RPTOR: variants seen among roughly 807,000 people sequenced by gnomAD.
RPTOR encodes regulatory-associated protein of mTOR.
Under a neutral mutation model 169.9 loss-of-function variants are expected in RPTOR, and 21 were observed. That is an observed-to-expected ratio of 0.12 (90% confidence interval 0.09 to 0.18). The LOEUF is 0.18. RPTOR is among the 10% of genes least tolerant of loss of function. The pLI is 1.00. For missense variants in RPTOR, 1,133 were observed against 1,855.9 expected, an observed-to-expected ratio of 0.61 and a Z score of 7.16; for synonymous variants, 732 against 753.2, an observed-to-expected ratio of 0.97 and a Z score of 0.46.
chr17:80,780,776 C>G (rs376884957), intron 6 of RPTOR, among the ~76,000 whole-genome samples: 1 of 152,298 alleles, frequency 6.6e-6, no homozygotes, highest in African/African-American at 2.4e-5. Flanking sequence ...TCACCCTCCC[C>G]CCGGGGGGCC....
intron 1 of RPTOR, among the ~76,000 whole-genome samples, chr17:80,556,327 C>T (rs1022459860): frequency 2.0e-5 from 3 of 152,130 alleles, no homozygotes; most frequent in African/African-American, 7.2e-5. Flanking sequence ...ACCTAAGCAA[C>T]AAAGTGAGGC....
intron 13 of RPTOR, among the ~76,000 whole-genome samples, chr17:80,872,178 C>T (rs1410501402): frequency 6.6e-6 from 1 of 152,220 alleles, no homozygotes; most frequent in Non-Finnish European, 1.5e-5. Context: ...TGAGGGGACA[C>T]ATTTGTGAAG....
rs560580295 is a variant in RPTOR at position 80,964,713 on chromosome 17, G to A, written c.*383G>A. On this transcript the variant is annotated 3_prime_UTR_variant, in exon 34 of 34. Transcript: ENST00000306801. Reference sequence around the variant, plus strand: ...AAAAACCCCCCGACAGAGCCCTGGCGGAGAGGCAGGCGCTGGGGCTCCTAC... The same window carrying A: ...AAAAACCCCCCGACAGAGCCCTGGCAGAGAGGCAGGCGCTGGGGCTCCTAC... The A allele has an allele frequency of 3.2e-4, 94 of 291,348 alleles. No homozygotes were observed. Among genetic ancestry groups the A allele is most frequent in the African/African-American group, 9.3e-4 (44 of 47,506 alleles). 18.0% of individuals were successfully genotyped at this position (291,348 alleles called of 1,614,324 possible). A position where few individuals can be genotyped will look rare whatever the true frequency, so the allele number is the denominator to read the frequency against.
At position 80,925,609 on chromosome 17, in the gene RPTOR, C is replaced by T. The variant is rs2068802703; in HGVS notation, c.2919+129C>T. 10 of 718,248 alleles carry T rather than the reference C, an allele frequency of 1.4e-5. No homozygotes were observed. In the East Asian group the frequency reaches 1.9e-4, roughly 14 times the overall value. 44.5% of individuals were successfully genotyped at this position (718,248 alleles called of 1,614,324 possible). Reference sequence around the variant, plus strand: ...ATTGTGGTCGTGGTAGTGATGGTCACGGTTGAGGTAGAACCGCAGAAGAAA... The same window carrying T: ...ATTGTGGTCGTGGTAGTGATGGTCATGGTTGAGGTAGAACCGCAGAAGAAA... On this transcript the variant is annotated intron_variant, in intron 24 of 33. Coordinates refer to ENST00000306801, the MANE Select transcript of RPTOR (RefSeq NM_020761.3).
chr17:80,921,826 C>A (rs966763877), intron 21 of RPTOR, among the ~76,000 whole-genome samples: 1 of 152,184 alleles, frequency 6.6e-6, no homozygotes, highest in Non-Finnish European at 1.5e-5. Flanking sequence ...CCATCCCCTT[C>A]CCCTGCCAGT....
chr17:80,877,903 C>T (rs1167971283), intron 13 of RPTOR, among the ~76,000 whole-genome samples: 2 of 152,192 alleles, frequency 1.3e-5, no homozygotes, highest in African/African-American at 4.8e-5. Context: ...TAACCCGCCT[C>T]ATCAGTGTAT....
intron 14 of RPTOR, among the ~76,000 whole-genome samples, chr17:80,882,856 C>T (rs1315406155): frequency 1.3e-5 from 2 of 152,322 alleles, no homozygotes; most frequent in East Asian, 1.9e-4. Flanking sequence ...CCAAGAGGCG[C>T]GTAGGACACT....
intron 1 of RPTOR, among the ~76,000 whole-genome samples, chr17:80,561,952 C>A (rs905735296): frequency 6.6e-6 from 1 of 152,002 alleles, no homozygotes; most frequent in African/African-American, 2.4e-5. Flanking sequence ...GTGTTTATGT[C>A]TGTATGTATG....
At chr17:80,702,161 C>T (rs2066106364) in intron 3 of RPTOR, among the ~76,000 whole-genome samples, 1 of 152,148 alleles carries the variant, frequency 6.6e-6, no homozygotes, top group South Asian at 2.1e-4. Context: ...AGGACAAGAG[C>T]CCGTCACTGA....
chr17:80,852,835 C>A (rs970080640), intron 11 of RPTOR, among the ~76,000 whole-genome samples: 1 of 152,112 alleles, frequency 6.6e-6, no homozygotes, highest in African/African-American at 2.4e-5. Flanking sequence ...TGCTGGCCGA[C>A]CCCCAGGAGC....
chr17:80,806,066 C>T (rs2067215611), intron 7 of RPTOR, among the ~76,000 whole-genome samples: 1 of 152,116 alleles, frequency 6.6e-6, no homozygotes, highest in Non-Finnish European at 1.5e-5. Context: ...GATTTAGAAA[C>T]CGAGCAGAGA....
At position 80,906,737 on chromosome 17, in the gene RPTOR, G is replaced by A. The variant is rs192103686; in HGVS notation, c.2402-2074G>A. On this transcript the variant is annotated intron_variant, in intron 20 of 33. Coordinates refer to ENST00000306801, the MANE Select transcript of RPTOR (RefSeq NM_020761.3). ...AGCACAGGCAGCACAGCAGCAGAGC[G>A]TGACCTCCTAGATGGCAGCGTGACC... Among the ~76,000 whole-genome samples, 140 of 151,860 alleles carry A rather than the reference G, an allele frequency of 9.2e-4. 1 individual carries two copies. The highest frequency in any genetic ancestry group is 3.2e-3 in the African/African-American group (134 of 41,466).
chr17:80,900,577 A>G (rs573432989), intron 20 of RPTOR, among the ~76,000 whole-genome samples: 1 of 152,258 alleles, frequency 6.6e-6, no homozygotes, highest in Admixed American at 6.5e-5. Context: ...CAGCCTCCCA[A>G]AGTGCTGGGA....
At chr17:80,673,907 C>G (rs1328257249) in intron 3 of RPTOR, among the ~76,000 whole-genome samples, 1 of 152,196 alleles carries the variant, frequency 6.6e-6, no homozygotes, top group Non-Finnish European at 1.5e-5. Flanking sequence ...AATTGTCAGT[C>G]CTCTTCACTT....
At chr17:80,556,458 A>G (rs1236089022) in intron 1 of RPTOR, among the ~76,000 whole-genome samples, 1 of 152,074 alleles carries the variant, frequency 6.6e-6, no homozygotes, top group South Asian at 2.1e-4. Flanking sequence ...CTGCAGTAGT[A>G]AGCTATGATT....
chr17:80,788,735 G>T (rs563657039), intron 6 of RPTOR, among the ~76,000 whole-genome samples: 1 of 152,236 alleles, frequency 6.6e-6, no homozygotes, highest in South Asian at 2.1e-4. Flanking sequence ...AAAAAAATCA[G>T]TATAAAAGAC....
chr17:80,944,906 G>T (rs553482052), intron 25 of RPTOR, among the ~76,000 whole-genome samples: 2 of 150,920 alleles, frequency 1.3e-5, no homozygotes, highest in African/African-American at 4.9e-5. Flanking sequence ...CAGGAGAATC[G>T]CTTGAACCCA....
At chr17:80,863,570 A>T (rs998778444) in intron 13 of RPTOR, among the ~76,000 whole-genome samples, 5 of 152,254 alleles carry the variant, frequency 3.3e-5, no homozygotes, top group African/African-American at 1.2e-4. Flanking sequence ...GCAATATGTG[A>T]TGGGAAGAAA....
At chr17:80,630,579 A>G (rs1030510203) in intron 2 of RPTOR, among the ~76,000 whole-genome samples, 1 of 152,214 alleles carries the variant, frequency 6.6e-6, no homozygotes, top group Non-Finnish European at 1.5e-5. Flanking sequence ...TGAGGCCCCC[A>G]TATTACCAAA....
Sources: gnomAD v4.1 joint callset for allele counts (sites outside exome capture counted in the v4.1 genomes callset) on GRCh38, gnomAD v4.1.1 for gene constraint, MANE v1.5 for transcripts, NCBI Gene and HGNC (gene_info 2026-07-23, HGNC 2026-07-21) for gene names.